Variants in DOCK6 observed in about 807,000 individuals in gnomAD.
DOCK6 encodes dedicator of cytokinesis protein 6.
Under a neutral mutation model 230.3 loss-of-function variants are expected in DOCK6, and 167 were observed. That is an observed-to-expected ratio of 0.73 (90% CI 0.64 to 0.82). DOCK6 has a LOEUF of 0.82. Ranked by LOEUF, DOCK6 falls within the 40% of genes least tolerant of loss-of-function variation. The pLI is 0.00. For missense variants in DOCK6, 2,598 were observed against 2,825.8 expected (o/e 0.92, Z 1.83); for synonymous variants, 1,148 against 1,185.0 (o/e 0.97, Z 0.64).
Position 11,200,833 on chromosome 19 carries a change from A to G in DOCK6, c.5833-11T>C, listed in dbSNP as rs1244539231. 5 of 1,612,624 alleles carry G rather than the reference A, an allele frequency of 3.1e-6. No homozygotes were observed. In the Admixed American group the frequency reaches 8.3e-5, roughly 27 times the overall value. ...CACCTCCAGGGGACCCTGTGGGGTG[A>G]GAGGGACTGGTGAGCCAGCCTGCAT... On this transcript the variant is annotated splice_polypyrimidine_tract_variant and intron_variant, in intron 45 of 47. Transcript: ENST00000294618. The surrounding 1 kb of genome is among the most constrained non-coding windows in gnomAD (Gnocchi z 4.3).
At position 11,208,800 on chromosome 19, in the gene DOCK6, G is replaced by A. The variant is rs777434298; in HGVS notation, c.4974C>T (p.Ser1658=). 3.0e-5 allele frequency: 48 copies of A among 1,613,622 alleles called. No individual in the cohort carries two copies. The East Asian group carries it at 9.4e-4, about 31-fold the overall frequency. ...GCGACAGGATGTCGTCGGAGATGGC[G>A]GACTCCTCTAGCACGTTGGATGAGA... ...QNISSNVLEE[S]AISDDILSPD... Residue 1658 remains serine, a synonymous_variant, in exon 39 of 48, where the codon TCC becomes TCT. Transcript: ENST00000294618.
chr19:11,245,390 C>T (rs2080015962), intron 9 of DOCK6, among the ~76,000 whole-genome samples, 173 bp downstream of exon 9: 1 of 152,154 alleles, frequency 6.6e-6, no homozygotes, highest in African/African-American at 2.4e-5. Flanking sequence ...CCTGGAAGCC[C>T]TTGGTGATTT....
At chr19:11,233,049 G>A (rs555243155) in intron 22 of DOCK6, among the ~76,000 whole-genome samples, 154 bp downstream of exon 22, 2 of 152,318 alleles carry the variant, frequency 1.3e-5, no homozygotes, top group South Asian at 4.1e-4. Context: ...CCCACAACCT[G>A]TGACAGCCCA....
Position 11,222,959 on chromosome 19 carries a change from A to G in DOCK6, c.3069+34T>C, listed in dbSNP as rs758272431. ...GTCAACATTGCTCCGCCTTCCATCC[A>G]TGCCATGCCCACCCTGCCCACGCCC... is the stretch of plus-strand genomic sequence containing the variant. On this transcript the variant is annotated intron_variant, in intron 25 of 47. Coordinates refer to ENST00000294618, the MANE Select transcript of DOCK6 (RefSeq NM_020812.4). This position sits in a 1 kb window ranked among gnomAD's most constrained non-coding sequence, Gnocchi z 4.0. The G allele has an allele frequency of 5.0e-6, 8 of 1,613,618 alleles. No homozygotes were observed. Among genetic ancestry groups the G allele is most frequent in the African/African-American group, 2.7e-5 (2 of 75,004 alleles).
intron 23 of DOCK6, among the ~76,000 whole-genome samples, chr19:11,228,255 C>T (rs982209911): frequency 1.3e-5 from 2 of 152,222 alleles, no homozygotes; most frequent in East Asian, 3.9e-4. Flanking sequence ...AAGTGATCCA[C>T]CCGCCTCGGC....
intron 14 of DOCK6, chr19:11,238,933 C>G (rs1436303999): frequency 1.3e-5 from 2 of 155,276 alleles, no homozygotes; most frequent in Non-Finnish European, 2.9e-5. Flanking sequence ...AACACTATTA[C>G]TACAACAATG....
chr19:11,244,677 TG>T (rs1208068951), intron 9 of DOCK6, among the ~76,000 whole-genome samples: 3 of 152,062 alleles, frequency 2.0e-5, no homozygotes, highest in Non-Finnish European at 4.4e-5. Flanking sequence ...CAGGCTGGTC[TG>T]GAACTCCCAA....
In DOCK6 at chr19:11,201,210, G is replaced by C. The variant is rs1238192488; in HGVS notation, c.5689-158C>G. Among the ~76,000 whole-genome samples the C allele has an allele frequency of 2.6e-5, 4 of 151,942 alleles. No individual in the cohort carries two copies. Among genetic ancestry groups the C allele is most frequent in the Admixed American group, 2.6e-4 (4 of 15,272 alleles). ...GCCTTCCTGGGTCTGACTCTGGGGG[G>C]GTCCAGCCTTGGGTCTGCTGGGTCT... On this transcript the variant is annotated intron_variant, in intron 44 of 47. Coordinates refer to ENST00000294618, the MANE Select transcript of DOCK6 (RefSeq NM_020812.4). The surrounding 1 kb of genome is among the most constrained non-coding windows in gnomAD (Gnocchi z 4.3).
chr19:11,224,239 CT>C (rs1431753204), intron 24 of DOCK6, among the ~76,000 whole-genome samples: 1 of 119,582 alleles, frequency 8.4e-6, no homozygotes, highest in Non-Finnish European at 1.6e-5. Flanking sequence ...GAGACGGAGT[CT>C]TGCTCTGTCG....
chr19:11,200,657 G>C lies in DOCK6; in HGVS notation c.5939+59C>G, dbSNP rs78779849. The C allele has an allele frequency of 1.8e-3, 2,686 of 1,534,528 alleles. 40 individuals are homozygous for C. The African/African-American group carries it at 0.031, about 18-fold the overall frequency. On this transcript the variant is annotated intron_variant, in intron 46 of 47. Transcript: ENST00000294618. This position sits in a 1 kb window ranked among gnomAD's most constrained non-coding sequence, Gnocchi z 4.3. ...GCCATGCAGAGATCAGATGGGCAGA[G>C]AGCAGGCCTATGCAGGTTAGGCAGA...
Position 11,252,131 on chromosome 19 carries a change from G to T in DOCK6, c.495C>A (p.Gly165=), listed in dbSNP as rs768936581. 1.3e-6 allele frequency: 2 copies of T among 1,589,630 alleles called. No homozygotes were observed. The highest frequency in any genetic ancestry group is 2.3e-5 in the East Asian group (1 of 43,728). ...EQDASGDERS[G]PEDSNDSRRG... ...GGGGCTTCCTCACCGAGTCCTCAGG[G>T]CCGGACCTCTCGTCTCCAGAAGCAT... is the stretch of plus-strand genomic sequence containing the variant. The change falls in exon 5 of 48, where the codon GGC becomes GGA. Residue 165 remains glycine, a synonymous_variant. Transcript: ENST00000294618.
chr19:11,204,294 T>C lies in DOCK6; in HGVS notation c.5126A>G (p.Asn1709Ser). 1 of 1,609,906 alleles carries C rather than the reference T, an allele frequency of 6.2e-7. No individual in the cohort carries two copies. Among genetic ancestry groups the C allele is most frequent in the Non-Finnish European group, 8.5e-7 (1 of 1,178,232 alleles). ...GTGGGCTTCCAGGATGGGGATGAGG[T>C]TCTTGTAGACCTCATTCACCGCCTC... ...LYEAVNEVYK[N>S]LIPILEAHRD... is the part of the protein sequence containing the mutation. Residue 1709 changes from asparagine to serine, a missense_variant, in exon 40 of 48, where the codon AAC becomes AGC. Physicochemically the swap from Asn to Ser is conservative, Grantham distance 46. Transcript: ENST00000294618.
chr19:11,223,551 A>G (rs1435567865), intron 24 of DOCK6, among the ~76,000 whole-genome samples: 1 of 152,180 alleles, frequency 6.6e-6, no homozygotes, highest in Admixed American at 6.6e-5. Context: ...GAAATAAGCT[A>G]TGGTTATTTA....
At chr19:11,226,477 G>A (rs905693248) in intron 24 of DOCK6, among the ~76,000 whole-genome samples, 1 of 152,174 alleles carries the variant, frequency 6.6e-6, no homozygotes, top group Admixed American at 6.5e-5. Context: ...AGGCCAACAT[G>A]GAGAAACACT....
chr19:11,233,712 G>A (rs2079805272), intron 21 of DOCK6, among the ~76,000 whole-genome samples: 1 of 152,252 alleles, frequency 6.6e-6, no homozygotes, highest in Admixed American at 6.5e-5. Flanking sequence ...GGCAGTGCGC[G>A]CCTGTGGTTC....
chr19:11,219,512 G>T (rs1240492611), intron 28 of DOCK6, among the ~76,000 whole-genome samples: 1 of 151,798 alleles, frequency 6.6e-6, no homozygotes, highest in Non-Finnish European at 1.5e-5. Context: ...TTAATCGGCT[G>T]GGCGTGGTGG....
At chr19:11,237,118 A>G (rs745934295) in intron 18 of DOCK6, 21 of 591,960 alleles carry the variant, frequency 3.5e-5, no homozygotes, top group Non-Finnish European at 5.7e-5. Flanking sequence ...ATATTCATTG[A>G]GTAGGTCAGG....
In DOCK6 at chr19:11,262,469, G is replaced by A; in HGVS notation, c.-29C>T. Reference sequence around the variant, plus strand: ...CCTCGCGTCCCGCCGCCGCCGCCCCGGGCCCCGGCCCCGCCGCCGCCGCCG... The same window carrying A: ...CCTCGCGTCCCGCCGCCGCCGCCCCAGGCCCCGGCCCCGCCGCCGCCGCCG... On this transcript the variant is annotated 5_prime_UTR_variant, in exon 1 of 48. Transcript: ENST00000294618. 2 of 1,150,656 alleles carry A rather than the reference G, an allele frequency of 1.7e-6. No individual in the cohort carries two copies. The highest frequency in any genetic ancestry group is 3.6e-4 in the Middle Eastern group (1 of 2,776). The allele number at this position is 1,150,656 out of a possible 1,614,324, so 71.3% of individuals were successfully genotyped here.
intron 7 of DOCK6, among the ~76,000 whole-genome samples, chr19:11,246,957 G>A (rs568508918): frequency 2.5e-4 from 38 of 152,256 alleles, no homozygotes; most frequent in African/African-American, 8.4e-4. Flanking sequence ...CCCCCTGCAA[G>A]GGAAGCTGTC....
Sources: allele counts gnomAD v4.1 joint callset (sites outside exome capture counted in the v4.1 genomes callset), GRCh38; gene constraint gnomAD v4.1.1; non-coding constraint Gnocchi (gnomAD v3.1); transcripts MANE v1.5; gene names NCBI Gene and HGNC (gene_info 2026-07-23, HGNC 2026-07-21).